MEGF11: variants seen among roughly 807,000 people sequenced by gnomAD.
MEGF11 encodes multiple EGF like domains 11.
MEGF11 carries 126 observed loss-of-function variants against 146.6 expected under a neutral mutation model. The ratio of observed to expected loss-of-function variants is 0.86; its 90% CI spans 0.74 to 1.00. MEGF11 has a LOEUF of 1.00. Ranked by LOEUF, MEGF11 falls within the 50% of genes least tolerant of loss-of-function variation. The pLI is 0.00. For synonymous variants in MEGF11, 532 were observed against 583.4 expected, an observed-to-expected ratio of 0.91 and a Z score of 1.27; for missense variants, 1,509 against 1,521.2, an observed-to-expected ratio of 0.99 and a Z score of 0.13.
chr15:66,224,342 A>C lies in MEGF11; in HGVS notation c.-9+29263T>G, dbSNP rs551872928. Among the ~76,000 whole-genome samples the C allele has an allele frequency of 2.6e-5, 4 of 152,260 alleles. No homozygotes were observed. In the East Asian group the frequency reaches 7.7e-4, roughly 29 times the overall value. On this transcript the variant is annotated intron_variant, in intron 1 of 25. Coordinates refer to ENST00000395614, the MANE Select transcript of MEGF11 (RefSeq NM_001385028.1). ...GTAATCCCAGCACTTTGGGAGGCCA[A>C]GGCAGGTGGATCACTTGAGGCCGGG...
intron 9 of MEGF11, among the ~76,000 whole-genome samples, chr15:65,964,672 C>T (rs2080992631): frequency 6.6e-6 from 1 of 152,180 alleles, no homozygotes. Context: ...TGCAGGTAGC[C>T]AGGTGGGGTG....
chr15:66,015,140 C>G (rs1433955390), intron 5 of MEGF11, among the ~76,000 whole-genome samples: 1 of 152,206 alleles, frequency 6.6e-6, no homozygotes, highest in Non-Finnish European at 1.5e-5. Flanking sequence ...GCACGGCACA[C>G]AGTTATCTGT....
At chr15:65,943,344 G>T (rs893859097) in intron 10 of MEGF11, among the ~76,000 whole-genome samples, 6 of 152,194 alleles carry the variant, frequency 3.9e-5, no homozygotes, top group Non-Finnish European at 5.9e-5. Flanking sequence ...TATGTTGGGT[G>T]TTGGGGGAGG....
intron 1 of MEGF11, among the ~76,000 whole-genome samples, chr15:66,211,818 C>T (rs926146545): frequency 2.0e-5 from 3 of 151,868 alleles, no homozygotes; most frequent in South Asian, 2.1e-4. Context: ...CAAAATGCTA[C>T]GCTAAGGCTC....
chr15:66,153,203 T>G (rs1353596204), intron 1 of MEGF11, among the ~76,000 whole-genome samples: 3 of 152,172 alleles, frequency 2.0e-5, no homozygotes, highest in African/African-American at 7.2e-5. Context: ...AAACAGGTGA[T>G]CAACAAAAGC....
chr15:65,989,622 G>C (rs2081970894), intron 5 of MEGF11, among the ~76,000 whole-genome samples: 1 of 152,250 alleles, frequency 6.6e-6, no homozygotes, highest in Non-Finnish European at 1.5e-5. Context: ...ACTTGCCCCA[G>C]TAAAAGCAAA....
chr15:66,054,265 AC>A (rs1388928324), intron 5 of MEGF11, among the ~76,000 whole-genome samples: 2 of 152,166 alleles, frequency 1.3e-5, no homozygotes, highest in African/African-American at 4.8e-5. Context: ...ACTCTAGCCA[AC>A]CATGTGAAAC....
At chr15:66,091,008 C>A (rs960985259) in intron 5 of MEGF11, among the ~76,000 whole-genome samples, 1 of 152,164 alleles carries the variant, frequency 6.6e-6, no homozygotes, top group African/African-American at 2.4e-5. Context: ...ACTTTTGCTA[C>A]AGTTTGATTT....
chr15:66,054,607 A>G (rs2084604211), intron 5 of MEGF11, among the ~76,000 whole-genome samples: 1 of 152,214 alleles, frequency 6.6e-6, no homozygotes, highest in Non-Finnish European at 1.5e-5. Flanking sequence ...GGCCTGGAAA[A>G]TGGAGTGAGC....
chr15:66,085,564 A>G (rs560866928), intron 5 of MEGF11, among the ~76,000 whole-genome samples: 8 of 152,364 alleles, frequency 5.3e-5, no homozygotes, highest in Admixed American at 2.6e-4. Context: ...AGCTAGACCC[A>G]GATGAGAGAC....
At chr15:66,212,375 T>A (rs1374503147) in intron 1 of MEGF11, among the ~76,000 whole-genome samples, 1 of 152,072 alleles carries the variant, frequency 6.6e-6, no homozygotes, top group African/African-American at 2.4e-5. Context: ...TATTCTCCCA[T>A]CCCCATCAGC....
At chr15:66,130,237 A>T (rs886143354) in intron 1 of MEGF11, among the ~76,000 whole-genome samples, 4 of 152,212 alleles carry the variant, frequency 2.6e-5, no homozygotes, top group African/African-American at 9.6e-5. Flanking sequence ...AAAGTGGAAC[A>T]AGCATCTTCT....
intron 1 of MEGF11, among the ~76,000 whole-genome samples, chr15:66,171,140 C>T (rs955187478): frequency 2.8e-4 from 43 of 152,206 alleles, no homozygotes; most frequent in Admixed American, 1.9e-3. Context: ...TGGTGAAGGC[C>T]GCTGTTGCTG....
At chr15:65,983,082 T>G (rs1016695068) in intron 5 of MEGF11, among the ~76,000 whole-genome samples, 1 of 152,178 alleles carries the variant, frequency 6.6e-6, no homozygotes, top group African/African-American at 2.4e-5. Flanking sequence ...GCCCCTCCCC[T>G]GGCTCCATCT....
chr15:66,019,180 A>G (rs2083006864), intron 5 of MEGF11, among the ~76,000 whole-genome samples: 1 of 152,194 alleles, frequency 6.6e-6, no homozygotes, highest in Admixed American at 6.5e-5. Context: ...CGTGGGAACC[A>G]GGAGCTTGAC....
At chr15:66,123,832 T>C in intron 3 of MEGF11, 67 bp downstream of exon 3, 1 of 1,352,108 alleles carries the variant, frequency 7.4e-7, no homozygotes, top group Non-Finnish European at 1.1e-6. Context: ...TTTTCTAACT[T>C]GCACAGAGGC....
chr15:66,219,779 T>C (rs1374931153), intron 1 of MEGF11, among the ~76,000 whole-genome samples: 1 of 152,196 alleles, frequency 6.6e-6, no homozygotes. Context: ...GATAATCTTA[T>C]GTTCACATAA....
intron 1 of MEGF11, among the ~76,000 whole-genome samples, chr15:66,230,380 G>A (rs1012314753): frequency 2.6e-5 from 4 of 152,156 alleles, no homozygotes; most frequent in Admixed American, 1.3e-4. Context: ...GGTTATAAAC[G>A]TATTTCCCCT....
intron 3 of MEGF11, 89 bp downstream of exon 3, chr15:66,123,810 C>T: frequency 2.0e-6 from 2 of 1,021,298 alleles, no homozygotes; most frequent in South Asian, 1.3e-5. Flanking sequence ...ACAACATCTG[C>T]TCCAGCGGCC....
Sources: allele counts gnomAD v4.1 joint callset (sites outside exome capture counted in the v4.1 genomes callset), GRCh38; gene constraint gnomAD v4.1.1; transcripts MANE v1.5; gene names NCBI Gene and HGNC (gene_info 2026-07-23, HGNC 2026-07-21).